The following PPARGC1A variants were observed in gnomAD, a reference collection of about 807,000 sequenced individuals.
PPARGC1A encodes peroxisome proliferator-activated receptor gamma coactivator 1-alpha.
A neutral mutation model predicts 88.7 loss-of-function variants in PPARGC1A; 25 were observed. The observed-to-expected ratio is 0.28, with a 90% CI of 0.21 to 0.39. The LOEUF is 0.39. PPARGC1A is among the 10% of genes least tolerant of loss of function. The pLI is 1.00. For synonymous variants in PPARGC1A, 363 were observed against 355.6 expected (o/e 1.02, Z -0.24); for missense variants, 880 against 968.7 (o/e 0.91, Z 1.22).
the PPARGC1A span, among the ~76,000 whole-genome samples, chr4:23,930,774 T>G: frequency 3.3e-5 from 5 of 152,334 alleles, no homozygotes; most frequent in South Asian, 1.0e-3. Flanking sequence ...TAATATAAGC[T>G]GCACAGTGCA....
chr4:23,910,225 ATAT>A, the PPARGC1A span, among the ~76,000 whole-genome samples: 1 of 108,530 alleles, frequency 9.2e-6, no homozygotes, highest in Non-Finnish European at 1.8e-5. Flanking sequence ...AATATATAAT[ATAT>A]TATATATAAT....
intron 12 of PPARGC1A, among the ~76,000 whole-genome samples, chr4:23,801,397 T>C (rs539773961): frequency 2.2e-4 from 33 of 151,782 alleles, no homozygotes; most frequent in African/African-American, 7.7e-4. Context: ...ACACAATACA[T>C]GCACTCACAA....
chr4:23,851,112 T>C (rs1323973137), intron 2 of PPARGC1A, among the ~76,000 whole-genome samples: 5 of 152,188 alleles, frequency 3.3e-5, no homozygotes, highest in Admixed American at 1.3e-4. Context: ...AATGGACTTA[T>C]CCATCTCACA....
the PPARGC1A span, among the ~76,000 whole-genome samples, chr4:24,361,949 C>T: frequency 6.6e-6 from 1 of 152,194 alleles, no homozygotes; most frequent in African/African-American, 2.4e-5. Context: ...AAGAGTTTCC[C>T]ATATGGGAAA....
the PPARGC1A span, among the ~76,000 whole-genome samples, chr4:24,124,826 C>T: frequency 6.6e-6 from 1 of 152,120 alleles, no homozygotes; most frequent in Non-Finnish European, 1.5e-5. Context: ...GGAGACTGCT[C>T]TGCTTAAATT....
intron 10 of PPARGC1A, among the ~76,000 whole-genome samples, chr4:23,805,189 A>G (rs1386021023): frequency 1.3e-5 from 2 of 152,080 alleles, no homozygotes; most frequent in Admixed American, 6.6e-5. Flanking sequence ...AGACTCTCCA[A>G]TACAAAGGAG....
At chr4:24,388,483 G>A in the PPARGC1A span, among the ~76,000 whole-genome samples, 4 of 152,250 alleles carry the variant, frequency 2.6e-5, no homozygotes, top group South Asian at 6.2e-4. Flanking sequence ...TATACCCAAA[G>A]GATTATAAAC....
At chr4:23,999,113 A>T in the PPARGC1A span, among the ~76,000 whole-genome samples, 1 of 152,194 alleles carries the variant, frequency 6.6e-6, no homozygotes, top group Non-Finnish European at 1.5e-5. Context: ...CAGCATATGT[A>T]GTACTCCTAG....
the PPARGC1A span, among the ~76,000 whole-genome samples, chr4:24,021,000 C>T: frequency 3.3e-5 from 5 of 152,200 alleles, no homozygotes; most frequent in African/African-American, 1.2e-4. Flanking sequence ...AACATGAGGG[C>T]TTCCAGTCAA....
chr4:24,394,494 A>G, the PPARGC1A span, among the ~76,000 whole-genome samples: 1 of 152,194 alleles, frequency 6.6e-6, no homozygotes, highest in South Asian at 2.1e-4. Flanking sequence ...TAAGAAGAAA[A>G]CGCTGGTTGT....
At chr4:24,279,508 G>C in the PPARGC1A span, among the ~76,000 whole-genome samples, 1 of 152,156 alleles carries the variant, frequency 6.6e-6, no homozygotes, top group Non-Finnish European at 1.5e-5. Context: ...GAATTCTGTA[G>C]AGAGGCAAGC....
the PPARGC1A span, among the ~76,000 whole-genome samples, chr4:23,979,593 T>C: frequency 6.6e-6 from 1 of 152,282 alleles, no homozygotes; most frequent in South Asian, 2.1e-4. Context: ...CTATCCAGCA[T>C]CCTGATATTT....
the PPARGC1A span, among the ~76,000 whole-genome samples, chr4:24,387,934 G>GAAAGAAAGAAAGGA: frequency 7.0e-5 from 5 of 71,458 alleles, no homozygotes. Flanking sequence ...AAGAAAGAAA[G>GAAAGAAAGAAAGGA]AGAAAGAAAG....
the PPARGC1A span, among the ~76,000 whole-genome samples, chr4:24,449,227 G>A: frequency 1.9e-4 from 29 of 152,220 alleles, 1 homozygote; most frequent in African/African-American, 7.0e-4. Flanking sequence ...ACCCAGCCCA[G>A]AACTCCTTGG....
At chr4:24,384,448 G>A in the PPARGC1A span, among the ~76,000 whole-genome samples, 150,088 of 152,018 alleles carry the variant, frequency 0.99, 74,111 homozygotes, top group East Asian at 1. Flanking sequence ...CAAATTGGAT[G>A]GAGTCAAGAC....
At chr4:24,082,779 A>G in the PPARGC1A span, among the ~76,000 whole-genome samples, 1 of 152,162 alleles carries the variant, frequency 6.6e-6, no homozygotes. Context: ...TCAATGTTCA[A>G]GAAAGAGTTG....
chr4:23,926,360 C>A, the PPARGC1A span, among the ~76,000 whole-genome samples: 2 of 152,140 alleles, frequency 1.3e-5, no homozygotes, highest in Admixed American at 1.3e-4. Flanking sequence ...CCAATCCACC[C>A]AAACCAAAAA....
At chr4:24,320,289 G>C in the PPARGC1A span, among the ~76,000 whole-genome samples, 2 of 152,132 alleles carry the variant, frequency 1.3e-5, no homozygotes, top group Non-Finnish European at 2.9e-5. Context: ...AGGAAGAAAA[G>C]TTTGTATCTC....
At chr4:24,304,844 C>T in the PPARGC1A span, among the ~76,000 whole-genome samples, 1 of 152,058 alleles carries the variant, frequency 6.6e-6, no homozygotes, top group African/African-American at 2.4e-5. Context: ...AAAGGAAGGT[C>T]TAAGGCAAAG....
Sources: allele counts gnomAD v4.1 joint callset (sites outside exome capture counted in the v4.1 genomes callset), GRCh38; gene constraint gnomAD v4.1.1; transcripts MANE v1.5; gene names NCBI Gene and HGNC (gene_info 2026-07-23, HGNC 2026-07-21).